Variants in EPG5 observed in about 807,000 individuals in gnomAD.
EPG5 encodes ectopic P granules protein 5 homolog.
EPG5 carries 159 observed loss-of-function variants against 302.7 expected under a neutral mutation model. That is an observed-to-expected ratio of 0.53 (90% CI 0.46 to 0.60). EPG5 has a LOEUF of 0.60. Ranked by LOEUF, EPG5 falls within the 20% of genes least tolerant of loss-of-function variation. EPG5 has a pLI of 0.00. For synonymous variants in EPG5, 1,158 were observed against 1,136.8 expected, an observed-to-expected ratio of 1.02 and a Z score of -0.37; for missense variants, 2,896 against 3,092.4, an observed-to-expected ratio of 0.94 and a Z score of 1.51.
At chr18:45,864,169 C>G (rs77945911) in intron 39 of EPG5, among the ~76,000 whole-genome samples, 1 of 152,086 alleles carries the variant, frequency 6.6e-6, no homozygotes, top group Non-Finnish European at 1.5e-5. Context: ...AGTGGCTATT[C>G]AGACACAATC....
chr18:45,837,542 G>C, the EPG5 span: 8 of 1,517,842 alleles, frequency 5.3e-6, no homozygotes, highest in Non-Finnish European at 7.0e-6. Flanking sequence ...GTCCATGCAG[G>C]TGCCACCCGA....
chr18:45,926,434 A>G (rs2050269938), intron 13 of EPG5, among the ~76,000 whole-genome samples: 1 of 152,228 alleles, frequency 6.6e-6, no homozygotes, highest in South Asian at 2.1e-4. Context: ...CATTACTTTT[A>G]TATGTATTTG....
chr18:45,937,214 T>C (rs1354611022), intron 10 of EPG5, among the ~76,000 whole-genome samples: 2 of 146,716 alleles, frequency 1.4e-5, no homozygotes, highest in East Asian at 3.9e-4. Flanking sequence ...TCAGGAAGTC[T>C]GGCATATATA....
intron 7 of EPG5, among the ~76,000 whole-genome samples, chr18:45,945,180 CTTA>C (rs1242705333): frequency 1.3e-5 from 2 of 152,156 alleles, no homozygotes; most frequent in Non-Finnish European, 2.9e-5. Context: ...TTTTTACACT[CTTA>C]TTATGTATCT....
At position 45,900,911 on chromosome 18, in the gene EPG5, A is replaced by G. The variant is rs2049598876; in HGVS notation, c.4646+85T>C. 3 of 1,450,260 alleles carry G rather than the reference A, an allele frequency of 2.1e-6. No individual in the cohort carries two copies. In the African/African-American group the frequency reaches 4.2e-5, roughly 20 times the overall value. 89.8% of individuals were successfully genotyped at this position (1,450,260 alleles called of 1,614,324 possible). On this transcript the variant is annotated intron_variant, in intron 26 of 43. Coordinates refer to ENST00000282041, the MANE Select transcript of EPG5 (RefSeq NM_020964.3). ...CTATCCTCATTGTAAAAATGCTGAC[A>G]AGGAAGCCACTCCAGGTAGCAAATT...
At chr18:45,934,671 T>C in intron 11 of EPG5, 138 bp downstream of exon 11, 1 of 984,756 alleles carries the variant, frequency 1.0e-6, no homozygotes, top group Non-Finnish European at 1.4e-6. Flanking sequence ...AGCAGTCTCC[T>C]GAATTTCAAA....
the EPG5 span, among the ~76,000 whole-genome samples, chr18:45,827,694 C>T: frequency 6.6e-6 from 1 of 152,258 alleles, no homozygotes. Flanking sequence ...CCCAGCACAG[C>T]TCCTGGCCCT....
At chr18:45,887,020 T>G (rs896342697) in intron 29 of EPG5, among the ~76,000 whole-genome samples, 1 of 152,242 alleles carries the variant, frequency 6.6e-6, no homozygotes, top group Non-Finnish European at 1.5e-5. Flanking sequence ...TGATGATACC[T>G]GTTCAGCATT....
the EPG5 span, chr18:45,837,585 T>C: frequency 1.3e-6 from 2 of 1,512,468 alleles, no homozygotes; most frequent in Admixed American, 2.0e-5. Flanking sequence ...GCGGCAGTGC[T>C]GCCCTGCACC....
Position 45,910,686 on chromosome 18 carries a change from T to C in EPG5, c.4040A>G (p.Asn1347Ser), listed in dbSNP as rs371508723. The change falls in exon 23 of 44, where the codon AAT becomes AGT. Residue 1347 changes from asparagine to serine, a missense_variant. Physicochemically the swap from Asn to Ser is conservative, Grantham distance 46. Coordinates refer to ENST00000282041, the MANE Select transcript of EPG5 (RefSeq NM_020964.3). ...ACGTCTCTTCATTTCTTTCAACAAA[T>C]TGATATGAGCAGGACTTTGAAAAAA... ...RRFFQSPAHINLLKEMKRRLT... is the reference protein window; with the variant it reads ...RRFFQSPAHISLLKEMKRRLT... 1.1e-5 allele frequency: 17 copies of C among 1,613,994 alleles called. No homozygotes were observed. Among genetic ancestry groups the C allele is most frequent in the Non-Finnish European group, 1.4e-5 (16 of 1,180,024 alleles).
chr18:45,885,845 G>A (rs763747567), intron 29 of EPG5, among the ~76,000 whole-genome samples: 87 of 151,716 alleles, frequency 5.7e-4, no homozygotes, highest in African/African-American at 1.8e-3. Flanking sequence ...CAAAGCAATC[G>A]GAAAACAAGA....
chr18:45,934,281 C>A (rs1423077925), intron 11 of EPG5, among the ~76,000 whole-genome samples: 1 of 151,466 alleles, frequency 6.6e-6, no homozygotes, highest in Non-Finnish European at 1.5e-5. Flanking sequence ...AGAGTGAGAC[C>A]CTGTCTCAAA....
intron 27 of EPG5, among the ~76,000 whole-genome samples, chr18:45,897,427 C>T (rs558361132): frequency 5.2e-4 from 79 of 151,910 alleles, no homozygotes; most frequent in Non-Finnish European, 5.6e-4. Flanking sequence ...TTATTAAAAC[C>T]GGATACATTT....
At chr18:45,921,026 G>T (rs1467019957) in intron 16 of EPG5, among the ~76,000 whole-genome samples, 2 of 152,138 alleles carry the variant, frequency 1.3e-5, no homozygotes, top group Non-Finnish European at 2.9e-5. Flanking sequence ...TCCCTGCACT[G>T]GGATTTTTAA....
At chr18:45,963,233 G>A (rs1463319386) in intron 1 of EPG5, among the ~76,000 whole-genome samples, 2 of 152,170 alleles carry the variant, frequency 1.3e-5, no homozygotes, top group African/African-American at 2.4e-5. Flanking sequence ...ACACCAGGAA[G>A]ATGAGAAAAA....
chr18:45,876,434 C>A, intron 34 of EPG5, 92 bp from the exon 35 acceptor site: 2 of 982,650 alleles, frequency 2.0e-6, no homozygotes, highest in Non-Finnish European at 3.2e-6. Context: ...GTCCTGGAAG[C>A]CTGTCCATTA....
intron 27 of EPG5, among the ~76,000 whole-genome samples, chr18:45,891,498 CAAAAAAAAAAA>C (rs763632848): frequency 2.0e-5 from 1 of 50,360 alleles, no homozygotes. Context: ...GACTCCGTCT[CAAAAAAAAAAA>C]AAAAAAAAAA....
rs1479713807 is a variant in EPG5, at chr18:45,852,571, A to G, written c.7636T>C (p.Phe2546Leu). ...AGGCAATGGCCAGGATGCCTTATAA[A>G]TTGGGTGGCTTGCAATATTTGATCC... ...YQDQILQATQFIRHPGHCLQD... is the reference protein window; with the variant it reads ...YQDQILQATQLIRHPGHCLQD... Residue 2546 changes from phenylalanine to leucine, a missense_variant, in exon 44 of 44, where the codon TTT (phenylalanine) becomes CTT (leucine). Transcript: ENST00000282041. 5 of 1,614,202 alleles carry G rather than the reference A, an allele frequency of 3.1e-6. No individual in the cohort carries two copies. Among genetic ancestry groups the G allele is most frequent in the Non-Finnish European group, 4.2e-6 (5 of 1,180,010 alleles).
chr18:45,948,425 C>G (rs146611435), intron 6 of EPG5, 78 bp downstream of exon 6: 20 of 1,118,688 alleles, frequency 1.8e-5, no homozygotes, highest in Non-Finnish European at 2.7e-5. Flanking sequence ...TTCTTTGGAT[C>G]TAGGCAGTTT....
Sources: gnomAD v4.1 joint callset for allele counts (sites outside exome capture counted in the v4.1 genomes callset) on GRCh38, gnomAD v4.1.1 for gene constraint, MANE v1.5 for transcripts, NCBI Gene and HGNC (gene_info 2026-07-23, HGNC 2026-07-21) for gene names.